TLN2: variants seen among roughly 807,000 people sequenced by gnomAD.
TLN2 encodes talin-2.
Under a neutral mutation model 294.7 loss-of-function variants are expected in TLN2, and 118 were observed. The observed-to-expected ratio is 0.40, with a 90% CI of 0.34 to 0.47. The LOEUF (loss-of-function observed/expected upper bound fraction) is 0.47. TLN2 is among the 20% of genes least tolerant of loss of function. The pLI is 0.84. For synonymous variants in TLN2, 1,431 were observed against 1,304.5 expected (o/e 1.10, Z -2.09); for missense variants, 3,083 against 3,282.2 (o/e 0.94, Z 1.48).
intron 25 of TLN2, among the ~76,000 whole-genome samples, chr15:62,720,359 A>G (rs1467572307): frequency 6.6e-6 from 1 of 152,248 alleles, no homozygotes; most frequent in African/African-American, 2.4e-5. Context: ...ATTCATTTTA[A>G]GGAAAATAAA....
intron 58 of TLN2, 136 bp downstream of exon 58, chr15:62,839,117 T>C (rs557066574): frequency 3.2e-6 from 4 of 1,259,124 alleles, no homozygotes; most frequent in South Asian, 1.5e-5. Context: ...GTTTCCTTCA[T>C]GTCTGAGAGC....
intron 45 of TLN2, among the ~76,000 whole-genome samples, chr15:62,791,137 A>T (rs1013913499): frequency 6.6e-6 from 1 of 152,070 alleles, no homozygotes; most frequent in South Asian, 2.1e-4. Context: ...ACCTGAGGTC[A>T]GGAGTTCGAG....
intron 28 of TLN2, among the ~76,000 whole-genome samples, chr15:62,729,564 G>T (rs963350845): frequency 1.3e-5 from 2 of 151,964 alleles, no homozygotes; most frequent in Non-Finnish European, 2.9e-5. Context: ...CTCTGTTTTG[G>T]TTAATGTGTG....
chr15:62,459,217 G>GTCTCGA (rs1215815309), intron 1 of TLN2, among the ~76,000 whole-genome samples: 16 of 151,654 alleles, frequency 1.1e-4, no homozygotes, highest in Non-Finnish European at 2.2e-4. Flanking sequence ...GGCCAGGGTG[G>GTCTCGA]TCTCGATCTC....
intron 1 of TLN2, among the ~76,000 whole-genome samples, chr15:62,411,804 C>T (rs1375440419): frequency 2.0e-5 from 3 of 152,042 alleles, no homozygotes; most frequent in Middle Eastern, 3.4e-3. Flanking sequence ...AAATGGGGGC[C>T]CTAGAAGCAG....
chr15:62,502,387 C>T (rs934530522), intron 1 of TLN2, among the ~76,000 whole-genome samples: 14 of 152,140 alleles, frequency 9.2e-5, no homozygotes, highest in African/African-American at 3.4e-4. Context: ...TTTAAAATTT[C>T]TAAGGAGGAA....
Position 62,555,792 on chromosome 15 carries a change from A to G in TLN2, c.-237-33895A>G, listed in dbSNP as rs114273643. Among the ~76,000 whole-genome samples, 1,414 of 152,062 alleles carry G rather than the reference A, an allele frequency of 9.3e-3. 22 individuals are homozygous for G. Among genetic ancestry groups the G allele is most frequent in the African/African-American group, 0.032 (1,347 of 41,476 alleles). On this transcript the variant is annotated intron_variant, in intron 1 of 58. Coordinates refer to ENST00000636159, the MANE Select transcript of TLN2 (RefSeq NM_015059.3). ...TTTATTGTATCCTAAATATCAATGT[A>G]TTTGCTTTCTATACTCTCCTGTTCT...
At chr15:62,552,197 A>G (rs1357439517) in intron 1 of TLN2, among the ~76,000 whole-genome samples, 3 of 152,228 alleles carry the variant, frequency 2.0e-5, no homozygotes, top group Non-Finnish European at 4.4e-5. Context: ...CCCCTGGTCG[A>G]TAATCACTGA....
Position 62,505,578 on chromosome 15 carries a change from A to T in TLN2, c.-237-84109A>T, listed in dbSNP as rs572299042. Among the ~76,000 whole-genome samples the T allele has an allele frequency of 1.3e-3, 204 of 152,136 alleles. 1 individual carries two copies. Among genetic ancestry groups the T allele is most frequent in the African/African-American group, 4.6e-3 (192 of 41,508 alleles). ...ACATCCTTGCACAACTCTGTAATTTATCTGGTAGCCTCAGGCTGGAGTGTT... is the reference window on the plus strand; with the variant it reads ...ACATCCTTGCACAACTCTGTAATTTTTCTGGTAGCCTCAGGCTGGAGTGTT... On this transcript the variant is annotated intron_variant, in intron 1 of 58. Transcript: ENST00000636159.
intron 1 of TLN2, among the ~76,000 whole-genome samples, chr15:62,529,140 C>T (rs1481168584): frequency 6.6e-6 from 1 of 151,626 alleles, no homozygotes; most frequent in Non-Finnish European, 1.5e-5. Context: ...GTTGCCCAGG[C>T]TGGAGTGTGG....
At chr15:62,554,427 TTTAAC>T (rs1157535040) in intron 1 of TLN2, among the ~76,000 whole-genome samples, 2 of 150,894 alleles carry the variant, frequency 1.3e-5, no homozygotes, top group African/African-American at 4.9e-5. Flanking sequence ...AAGCTGTAGT[TTTAAC>T]TTAAGATGAC....
chr15:62,451,513 T>C (rs1047697159), intron 1 of TLN2, among the ~76,000 whole-genome samples: 3 of 152,094 alleles, frequency 2.0e-5, no homozygotes, highest in Admixed American at 6.5e-5. Context: ...AAAAATTAGC[T>C]AGGCATGGTG....
chr15:62,827,310 G>A (rs1175902760), intron 54 of TLN2, among the ~76,000 whole-genome samples: 1 of 152,152 alleles, frequency 6.6e-6, no homozygotes, highest in African/African-American at 2.4e-5. Flanking sequence ...GGGCAGTGGG[G>A]GATGTTGGTA....
rs148097748 is a variant in TLN2, at chr15:62,528,506, A to G, written c.-237-61181A>G. Among the ~76,000 whole-genome samples the G allele has an allele frequency of 3.0e-3, 456 of 152,242 alleles. 4 individuals are homozygous for G. The highest frequency in any genetic ancestry group is 0.01 in the African/African-American group (428 of 41,538). ...CTATGTCTGCGACACTCTGTTCCAC[A>G]CCAGTGGCATGGTCCTGAGGGCCAG... On this transcript the variant is annotated intron_variant, in intron 1 of 58. Coordinates refer to ENST00000636159, the MANE Select transcript of TLN2 (RefSeq NM_015059.3).
intron 11 of TLN2, among the ~76,000 whole-genome samples, chr15:62,683,736 G>C (rs1390294393): frequency 6.6e-6 from 1 of 152,192 alleles, no homozygotes; most frequent in East Asian, 1.9e-4. Context: ...AGATAGATGG[G>C]TCTTCACTGG....
chr15:62,701,943 C>T (rs958987600), intron 17 of TLN2, 49 bp from the exon 18 acceptor site: 1 of 1,600,772 alleles, frequency 6.2e-7, no homozygotes, highest in Non-Finnish European at 8.5e-7. Flanking sequence ...AAAATTCTCA[C>T]CAGAACCATG....
At chr15:62,519,956 G>C (rs1455216409) in intron 1 of TLN2, among the ~76,000 whole-genome samples, 1 of 152,220 alleles carries the variant, frequency 6.6e-6, no homozygotes, top group African/African-American at 2.4e-5. Flanking sequence ...TGTAGCTGGA[G>C]AGGCCTCACA....
chr15:62,737,143 G>A, intron 29 of TLN2, 57 bp downstream of exon 29: 1 of 1,582,414 alleles, frequency 6.3e-7, no homozygotes. Context: ...GTGGACATGT[G>A]GTCGGGCTGT....
intron 11 of TLN2, among the ~76,000 whole-genome samples, chr15:62,676,005 G>T (rs1187210888): frequency 1.3e-5 from 2 of 152,104 alleles, no homozygotes; most frequent in African/African-American, 4.8e-5. Flanking sequence ...GACCCCTTTG[G>T]CCTCTCGCCT....
Sources: allele counts gnomAD v4.1 joint callset (sites outside exome capture counted in the v4.1 genomes callset), GRCh38; gene constraint gnomAD v4.1.1; transcripts MANE v1.5; gene names NCBI Gene and HGNC (gene_info 2026-07-23, HGNC 2026-07-21).